TMEM108: variants seen among roughly 807,000 people sequenced by gnomAD.
TMEM108 encodes the protein cancer/testis antigen 124.
A neutral mutation model predicts 35.1 loss-of-function variants in TMEM108; 12 were observed. The ratio of observed to expected loss-of-function variants is 0.34; its 90% CI spans 0.22 to 0.55. TMEM108 has a LOEUF of 0.55. Ranked by LOEUF, TMEM108 falls within the 20% of genes least tolerant of loss-of-function variation. The probability of loss-of-function intolerance (pLI) is 0.89; values close to 1 mark genes in which losing one functional copy is unlikely to be tolerated. For synonymous variants in TMEM108, 287 were observed against 308.6 expected, an observed-to-expected ratio of 0.93 and a Z score of 0.73; for missense variants, 680 against 753.3, an observed-to-expected ratio of 0.90 and a Z score of 1.14.
chr3:133,316,329 T>C (rs9838338), intron 3 of TMEM108, among the ~76,000 whole-genome samples: 32,299 of 152,142 alleles, frequency 0.21, 4,100 homozygotes, highest in Middle Eastern at 0.31. Flanking sequence ...ATGAACATAT[T>C]TTGCAATGGA....
At chr3:133,062,811 A>G (rs1185843509) in intron 2 of TMEM108, among the ~76,000 whole-genome samples, 1 of 152,170 alleles carries the variant, frequency 6.6e-6, no homozygotes, top group Non-Finnish European at 1.5e-5. Context: ...GAGATCATTC[A>G]AAGGTGTTAT....
Position 133,326,562 on chromosome 3 carries a change from C to T in TMEM108, c.41-53190C>T, listed in dbSNP as rs188052743. On this transcript the variant is annotated intron_variant, in intron 3 of 5. Transcript: ENST00000321871. ...ATAAACAAGGATTCTTCCCGAGAAT[C>T]TGGGCTCCTAAATGTACTGGTCTTC... 3.5e-3 allele frequency among the ~76,000 whole-genome samples: 536 copies of T among 152,252 alleles called. 1 individual carries two copies. The highest frequency in any genetic ancestry group is 3.9e-3 in the Non-Finnish European group (266 of 68,010).
chr3:133,116,198 A>G (rs947775551), intron 2 of TMEM108, among the ~76,000 whole-genome samples: 1 of 152,196 alleles, frequency 6.6e-6, no homozygotes, highest in Non-Finnish European at 1.5e-5. Flanking sequence ...TCTCTGGGGC[A>G]TTGTCTTCGT....
chr3:133,045,199 A>T (rs746461529), intron 1 of TMEM108, among the ~76,000 whole-genome samples: 38 of 152,154 alleles, frequency 2.5e-4, no homozygotes, highest in Non-Finnish European at 4.7e-4. Flanking sequence ...TGATCGCCTG[A>T]TCTTGTGATC....
rs112822494 is a variant in TMEM108, at chr3:133,133,156, T to TGTAGCA, written c.-47+87137_-47+87138insTAGCAG. ...TAAAATATTACATAAACTTAGTTGA[T>TGTAGCA]GCAGCAGCAGCAGCAGGGTTTGAGA... On this transcript the variant is annotated intron_variant, in intron 2 of 5. Transcript: ENST00000321871. Among the ~76,000 whole-genome samples, 619 of 150,954 alleles carry TGTAGCA rather than the reference T, an allele frequency of 4.1e-3. 4 individuals are homozygous for TGTAGCA. The highest frequency in any genetic ancestry group is 0.014 in the African/African-American group (578 of 41,126).
chr3:133,215,469 G>A (rs902096335), intron 2 of TMEM108, among the ~76,000 whole-genome samples: 2 of 151,730 alleles, frequency 1.3e-5, no homozygotes, highest in African/African-American at 4.8e-5. Flanking sequence ...ATCTTAAGCT[G>A]GGAATGTATG....
At chr3:133,277,127 GAA>G (rs113353561) in intron 3 of TMEM108, among the ~76,000 whole-genome samples, 2 of 144,134 alleles carry the variant, frequency 1.4e-5, no homozygotes, top group Non-Finnish European at 3.1e-5. Context: ...CTCTGGACCA[GAA>G]AAAAAAAAAG....
chr3:133,158,933 C>T (rs1944921029), intron 2 of TMEM108, among the ~76,000 whole-genome samples: 1 of 152,034 alleles, frequency 6.6e-6, no homozygotes, highest in Non-Finnish European at 1.5e-5. Context: ...ACAGCTCAGG[C>T]CATGTATATG....
intron 2 of TMEM108, among the ~76,000 whole-genome samples, chr3:133,115,909 T>C (rs1576326369): frequency 6.6e-6 from 1 of 152,344 alleles, no homozygotes; most frequent in Admixed American, 6.5e-5. Flanking sequence ...TGTTCTCATG[T>C]GTGAGTTTTT....
intron 2 of TMEM108, among the ~76,000 whole-genome samples, chr3:133,207,708 C>T (rs1207624486): frequency 2.0e-5 from 3 of 152,098 alleles, no homozygotes; most frequent in African/African-American, 7.2e-5. Context: ...TGTTGGTTTT[C>T]CTCACACAAA....
At chr3:133,352,520 G>A (rs778325710) in intron 3 of TMEM108, among the ~76,000 whole-genome samples, 17 of 152,176 alleles carry the variant, frequency 1.1e-4, no homozygotes, top group Admixed American at 2.0e-4. Flanking sequence ...CACAAGTCCA[G>A]GTTGCCACCT....
At chr3:133,067,767 G>A (rs1943628545) in intron 2 of TMEM108, among the ~76,000 whole-genome samples, 1 of 152,158 alleles carries the variant, frequency 6.6e-6, no homozygotes, top group South Asian at 2.1e-4. Flanking sequence ...GTGCTGAGAT[G>A]AATAACATGG....
At chr3:133,270,152 C>T (rs954084866) in intron 3 of TMEM108, among the ~76,000 whole-genome samples, 77 of 152,266 alleles carry the variant, frequency 5.1e-4, no homozygotes, top group Non-Finnish European at 1.1e-3. Context: ...GTTCTCCCCT[C>T]CCCCAATCAA....
In TMEM108 at chr3:133,357,500, ACAATT is replaced by A. The variant is rs1392114796; in HGVS notation, c.41-22251_41-22247del. ...ATGCATGTTTATAGCAGCACAATTCACAATTACAGAGATATGAAACCAACCTAAGT... is the reference window on the plus strand; with the variant it reads ...ATGCATGTTTATAGCAGCACAATTCAACAGAGATATGAAACCAACCTAAGT... On this transcript the variant is annotated intron_variant, in intron 3 of 5. Coordinates refer to ENST00000321871, the MANE Select transcript of TMEM108 (RefSeq NM_023943.4). Among the ~76,000 whole-genome samples, 3 of 152,220 alleles carry A rather than the reference ACAATT, an allele frequency of 2.0e-5. No individual in the cohort carries two copies. In the East Asian group the frequency reaches 5.8e-4, roughly 29 times the overall value.
chr3:133,214,855 G>A (rs1945883443), intron 2 of TMEM108, among the ~76,000 whole-genome samples: 1 of 152,064 alleles, frequency 6.6e-6, no homozygotes, highest in African/African-American at 2.4e-5. Context: ...GTGTGTGTGA[G>A]GGATCTAGGT....
intron 2 of TMEM108, among the ~76,000 whole-genome samples, chr3:133,065,798 C>A (rs141214615): frequency 6.6e-6 from 1 of 152,090 alleles, no homozygotes; most frequent in African/African-American, 2.4e-5. Context: ...ATAGTTCAGC[C>A]ATTTTCAAGG....
At chr3:133,169,916 C>T (rs1290361754) in intron 2 of TMEM108, among the ~76,000 whole-genome samples, 5 of 152,116 alleles carry the variant, frequency 3.3e-5, no homozygotes, top group African/African-American at 9.7e-5. Context: ...ACGATCTCAG[C>T]GCAGATGCAC....
At chr3:133,315,752 T>G (rs1026765972) in intron 3 of TMEM108, among the ~76,000 whole-genome samples, 1 of 152,236 alleles carries the variant, frequency 6.6e-6, no homozygotes, top group Non-Finnish European at 1.5e-5. Flanking sequence ...CTTTAGATCT[T>G]TGGGGAATGA....
chr3:133,227,274 G>A (rs1020583590), intron 2 of TMEM108, among the ~76,000 whole-genome samples: 1 of 142,002 alleles, frequency 7.0e-6, no homozygotes, highest in South Asian at 2.2e-4. Context: ...CTCACTGCAG[G>A]CTCCGCCCCC....
Sources: allele counts gnomAD v4.1 joint callset (sites outside exome capture counted in the v4.1 genomes callset), GRCh38; gene constraint gnomAD v4.1.1; transcripts MANE v1.5; gene names NCBI Gene and HGNC (gene_info 2026-07-23, HGNC 2026-07-21).